Variants in MED13L observed in about 807,000 individuals in gnomAD.
MED13L encodes the protein mediator complex subunit 13L.
A neutral mutation model predicts 220.9 loss-of-function variants in MED13L; 7 were observed. That is an observed-to-expected ratio of 0.03 (90% CI 0.02 to 0.06). The LOEUF (loss-of-function observed/expected upper bound fraction) is 0.06, where lower values mean the gene tolerates loss of function less well. Among genes scored for constraint, MED13L ranks in the 10% least tolerant of loss-of-function variants. The probability of loss-of-function intolerance (pLI) is 1.00; values close to 1 mark genes in which losing one functional copy is unlikely to be tolerated. For synonymous variants in MED13L, 1,011 were observed against 1,015.2 expected, an observed-to-expected ratio of 1.00 and a Z score of 0.08; for missense variants, 1,965 against 2,760.5, an observed-to-expected ratio of 0.71 and a Z score of 6.46.
At chr12:116,008,233 T>G in intron 10 of MED13L, 168 bp downstream of exon 10, 1 of 954,050 alleles carries the variant, frequency 1.0e-6, no homozygotes, top group Non-Finnish European at 1.5e-6. Context: ...TGTGCTAACC[T>G]ATAAGTAGGA....
intron 4 of MED13L, among the ~76,000 whole-genome samples, chr12:116,043,861 A>G (rs1895625): frequency 0.94 from 143,775 of 152,330 alleles, 67,916 homozygotes; most frequent in African/African-American, 0.98. Context: ...AAACTGGCAT[A>G]TGTTTGGCAC....
intron 2 of MED13L, among the ~76,000 whole-genome samples, chr12:116,233,120 ATTTG>A (rs933699267): frequency 6.6e-6 from 1 of 151,134 alleles, no homozygotes; most frequent in African/African-American, 2.4e-5. Flanking sequence ...AGTAAGAAGT[ATTTG>A]TTTGGTAGAT....
intron 4 of MED13L, among the ~76,000 whole-genome samples, chr12:116,072,454 T>C (rs1870453443): frequency 6.6e-6 from 1 of 152,050 alleles, no homozygotes; most frequent in South Asian, 2.1e-4. Flanking sequence ...AATACAGTTT[T>C]TGTTTTTTGT....
At chr12:116,020,093 C>A in intron 5 of MED13L, 121 bp from the exon 6 acceptor site, 1 of 900,184 alleles carries the variant, frequency 1.1e-6, no homozygotes, top group Non-Finnish European at 1.7e-6. Context: ...TTCTTTATTT[C>A]CTAACTCTAT....
chr12:116,258,190 G>C (rs1872212698), intron 1 of MED13L, among the ~76,000 whole-genome samples: 1 of 152,310 alleles, frequency 6.6e-6, no homozygotes, highest in South Asian at 2.1e-4. Flanking sequence ...AAATACAAAT[G>C]TACTACTGGT....
intron 2 of MED13L, among the ~76,000 whole-genome samples, chr12:116,140,856 T>C (rs957199303): frequency 1.3e-5 from 2 of 152,226 alleles, no homozygotes; most frequent in Admixed American, 6.5e-5. Flanking sequence ...GTGGCTGAAA[T>C]GATAGTCATC....
chr12:115,977,705 G>T, intron 23 of MED13L, among the ~76,000 whole-genome samples: 1 of 152,158 alleles, frequency 6.6e-6, no homozygotes, highest in East Asian at 1.9e-4. Context: ...AGACATAAAA[G>T]ATCGCATATG....
intron 2 of MED13L, among the ~76,000 whole-genome samples, chr12:116,202,564 C>T (rs912731211): frequency 1.6e-4 from 24 of 152,110 alleles, no homozygotes; most frequent in African/African-American, 5.6e-4. Flanking sequence ...AAAGCACAGC[C>T]TTATTAGAGA....
At chr12:116,109,077 T>C (rs1873853327) in intron 3 of MED13L, among the ~76,000 whole-genome samples, 1 of 74,996 alleles carries the variant, frequency 1.3e-5, no homozygotes, top group African/African-American at 8.9e-5. Flanking sequence ...TTTTTTTTTT[T>C]TTTTTTTTTT....
chr12:116,265,613 G>T (rs1340903314), intron 1 of MED13L, among the ~76,000 whole-genome samples: 1 of 152,142 alleles, frequency 6.6e-6, no homozygotes, highest in Non-Finnish European at 1.5e-5. Flanking sequence ...GCGTAATATA[G>T]CACTTTTTTT....
At chr12:116,148,562 CTT>C (rs772140930) in intron 2 of MED13L, 1 of 311,538 alleles carries the variant, frequency 3.2e-6, no homozygotes, top group Admixed American at 3.3e-5. Context: ...CTAAAAACTT[CTT>C]TGCTTGTTTT....
intron 1 of MED13L, among the ~76,000 whole-genome samples, chr12:116,256,066 T>C (rs1381433213): frequency 3.9e-5 from 6 of 152,218 alleles, no homozygotes; most frequent in African/African-American, 1.4e-4. Flanking sequence ...AAATTCATTG[T>C]ACTACATGCT....
At chr12:116,156,302 T>C (rs1260261107) in intron 2 of MED13L, among the ~76,000 whole-genome samples, 1 of 150,744 alleles carries the variant, frequency 6.6e-6, no homozygotes, top group Non-Finnish European at 1.5e-5. Flanking sequence ...ACATAAGATA[T>C]GAGTACATCC....
chr12:116,114,458 A>C (rs1412239731), intron 2 of MED13L, among the ~76,000 whole-genome samples: 2 of 152,204 alleles, frequency 1.3e-5, no homozygotes, highest in Non-Finnish European at 2.9e-5. Flanking sequence ...TGATTTCTAC[A>C]ATTTTAAAAT....
chr12:115,984,034 C>A, intron 20 of MED13L, 146 bp downstream of exon 20: 3 of 961,304 alleles, frequency 3.1e-6, no homozygotes, highest in Non-Finnish European at 4.8e-6. Flanking sequence ...TAGCATTAAA[C>A]TGCCCAGAAC....
intron 2 of MED13L, among the ~76,000 whole-genome samples, chr12:116,196,780 A>C (rs1017887306): frequency 6.6e-6 from 1 of 152,192 alleles, no homozygotes; most frequent in African/African-American, 2.4e-5. Context: ...TAGCTTAAGA[A>C]TCTGATGGTT....
chr12:116,155,267 T>C (rs866666291), intron 2 of MED13L, among the ~76,000 whole-genome samples: 1 of 151,992 alleles, frequency 6.6e-6, no homozygotes, highest in African/African-American at 2.4e-5. Context: ...ACAAAAAATT[T>C]AAAAATTAGC....
At chr12:116,149,560 A>C (rs1464083425) in intron 2 of MED13L, among the ~76,000 whole-genome samples, 1 of 152,242 alleles carries the variant, frequency 6.6e-6, no homozygotes, top group African/African-American at 2.4e-5. Context: ...ACTAACAAGC[A>C]AGTTACTTAA....
chr12:116,151,908 T>C (rs574374318), intron 2 of MED13L, among the ~76,000 whole-genome samples: 1 of 152,346 alleles, frequency 6.6e-6, no homozygotes, highest in South Asian at 2.1e-4. Flanking sequence ...ATGTTTTCTC[T>C]GGTTTGTCCA....
Sources: allele counts gnomAD v4.1 joint callset (sites outside exome capture counted in the v4.1 genomes callset), GRCh38; gene constraint gnomAD v4.1.1; transcripts MANE v1.5; gene names NCBI Gene and HGNC (gene_info 2026-07-23, HGNC 2026-07-21).